ZNF503: variants seen among roughly 807,000 people sequenced by gnomAD.
ZNF503 encodes NocA-like zinc finger 2.
ZNF503 carries 15 observed loss-of-function variants against 34.4 expected under a neutral mutation model. That is an observed-to-expected ratio of 0.44 (90% CI 0.29 to 0.67). ZNF503 has a LOEUF of 0.67. ZNF503 is among the 30% of genes least tolerant of loss of function. The pLI, the probability that ZNF503 is intolerant of heterozygous loss-of-function variation, is 0.13. For synonymous variants in ZNF503, 580 were observed against 456.8 expected, an observed-to-expected ratio of 1.27 and a Z score of -3.44; for missense variants, 1,007 against 926.8, an observed-to-expected ratio of 1.09 and a Z score of -1.12.
the ZNF503 span, among the ~76,000 whole-genome samples, chr10:75,327,326 T>G: frequency 9.9e-5 from 15 of 151,572 alleles, no homozygotes; most frequent in African/African-American, 3.6e-4. Context: ...CCCTTTTAGA[T>G]TTTACAAATG....
At chr10:75,357,033 C>T in the ZNF503 span, among the ~76,000 whole-genome samples, 43 of 152,146 alleles carry the variant, frequency 2.8e-4, no homozygotes, top group Non-Finnish European at 4.4e-4. Flanking sequence ...CCTGCCCTTC[C>T]GTAAGACTTG....
the ZNF503 span, among the ~76,000 whole-genome samples, chr10:75,357,576 C>T: frequency 1.3e-5 from 2 of 152,094 alleles, no homozygotes; most frequent in East Asian, 3.9e-4. Context: ...TTCTGGACTC[C>T]AAGCATTTTA....
the ZNF503 span, among the ~76,000 whole-genome samples, chr10:75,281,069 A>C: frequency 3.3e-5 from 5 of 152,168 alleles, no homozygotes; most frequent in African/African-American, 1.2e-4. Context: ...GTAATTTATC[A>C]TCCAGACTAG....
the ZNF503 span, among the ~76,000 whole-genome samples, chr10:75,388,720 G>A: frequency 1.3e-5 from 2 of 152,194 alleles, no homozygotes; most frequent in Non-Finnish European, 2.9e-5. Flanking sequence ...AGTGTACACT[G>A]GGCTGTAGTG....
the ZNF503 span, among the ~76,000 whole-genome samples, chr10:75,326,616 T>C: frequency 6.6e-6 from 1 of 151,922 alleles, no homozygotes; most frequent in African/African-American, 2.4e-5. Flanking sequence ...TCTTCCTTTT[T>C]TTTTGTTTGA....
At chr10:75,355,590 G>T in the ZNF503 span, among the ~76,000 whole-genome samples, 1 of 152,104 alleles carries the variant, frequency 6.6e-6, no homozygotes, top group Non-Finnish European at 1.5e-5. Context: ...AGAGTTCCAG[G>T]CCCCTCTCCC....
chr10:75,325,737 A>T, the ZNF503 span, among the ~76,000 whole-genome samples: 1 of 152,100 alleles, frequency 6.6e-6, no homozygotes, highest in Admixed American at 6.6e-5. Context: ...TGATTCTTTT[A>T]ATCCATAAAC....
At chr10:75,389,733 C>CAAACA in the ZNF503 span, among the ~76,000 whole-genome samples, 2 of 152,122 alleles carry the variant, frequency 1.3e-5, no homozygotes, top group African/African-American at 4.8e-5. Flanking sequence ...CCATCTCAAA[C>CAAACA]AAACAAAACA....
chr10:75,344,234 G>C, the ZNF503 span, among the ~76,000 whole-genome samples: 1 of 152,254 alleles, frequency 6.6e-6, no homozygotes, highest in Non-Finnish European at 1.5e-5. Context: ...CGGGTGGCTG[G>C]GAAGGGGCCC....
At chr10:75,395,551 C>G (rs999721789), downstream of ZNF503, among the ~76,000 whole-genome samples, 13 of 152,078 alleles carry the variant, frequency 8.5e-5, no homozygotes, top group Admixed American at 8.5e-4. The surrounding 1 kb of genome is among the most constrained non-coding windows in gnomAD (Gnocchi z 4.4). Flanking sequence ...CCGGGGATCC[C>G]GCGGCTGTTC....
the ZNF503 span, among the ~76,000 whole-genome samples, chr10:75,388,496 A>T: frequency 6.6e-6 from 1 of 152,194 alleles, no homozygotes; most frequent in Non-Finnish European, 1.5e-5. Flanking sequence ...CAGTGTACGG[A>T]GAAATAAAGG....
the ZNF503 span, among the ~76,000 whole-genome samples, chr10:75,375,390 G>A: frequency 2.0e-5 from 3 of 152,148 alleles, no homozygotes; most frequent in African/African-American, 7.2e-5. Flanking sequence ...CAAAGTGCTG[G>A]GATTTACAGG....
chr10:75,341,222 G>A, the ZNF503 span, among the ~76,000 whole-genome samples: 1 of 152,172 alleles, frequency 6.6e-6, no homozygotes, highest in East Asian at 1.9e-4. Context: ...CTCTTTTAAA[G>A]TTGTAAAGAG....
At chr10:75,377,516 C>T in the ZNF503 span, among the ~76,000 whole-genome samples, 1 of 152,170 alleles carries the variant, frequency 6.6e-6, no homozygotes, top group Non-Finnish European at 1.5e-5. Context: ...ATGACACATG[C>T]ATGGGGTGTC....
At chr10:75,350,037 T>A in the ZNF503 span, among the ~76,000 whole-genome samples, 3 of 152,178 alleles carry the variant, frequency 2.0e-5, no homozygotes, top group Non-Finnish European at 4.4e-5. Context: ...AAGAGCAAGT[T>A]TTAGAACAGT....
the ZNF503 span, among the ~76,000 whole-genome samples, chr10:75,322,364 C>T: frequency 9.4e-3 from 1,426 of 152,140 alleles, 31 homozygotes; most frequent in African/African-American, 0.033. Flanking sequence ...CCTCGTGATC[C>T]GCCTGCCTCA....
In ZNF503 at chr10:75,398,026, CTTTTT is replaced by C. The variant is rs199688202; in HGVS notation, c.*718_*722del. 6.9e-5 allele frequency: 10 copies of C among 145,010 alleles called. No homozygotes were observed. Among genetic ancestry groups the C allele is most frequent in the African/African-American group, 2.0e-4 (8 of 39,830 alleles). The allele number at this position is 145,010 out of a possible 1,614,324, so 9.0% of individuals were successfully genotyped here. On this transcript the variant is annotated 3_prime_UTR_variant, in exon 2 of 2. Transcript: ENST00000372524. Reference sequence around the variant, plus strand: ...TTTTGGAATAGAATTTTTTCTTTTTCTTTTTTTTTTTGTTGTTTTCTTCCAGAATA... The same window carrying C: ...TTTTGGAATAGAATTTTTTCTTTTTCTTTTTTGTTGTTTTCTTCCAGAATA...
At chr10:75,394,770 G>T (rs1012841204), downstream of ZNF503, among the ~76,000 whole-genome samples, 1 of 152,222 alleles carries the variant, frequency 6.6e-6, no homozygotes, top group Non-Finnish European at 1.5e-5. Context: ...AAGTGAGTGC[G>T]TGTGTTGACA....
the ZNF503 span, among the ~76,000 whole-genome samples, chr10:75,323,714 G>A: frequency 2.0e-5 from 3 of 152,158 alleles, no homozygotes; most frequent in East Asian, 5.8e-4. Context: ...AAAAAATTGG[G>A]TTGCGGCCAG....
Sources: gnomAD v4.1 joint callset for allele counts (sites outside exome capture counted in the v4.1 genomes callset) on GRCh38, gnomAD v4.1.1 for gene constraint, Gnocchi (gnomAD v3.1) non-coding constraint, MANE v1.5 for transcripts, NCBI Gene and HGNC (gene_info 2026-07-23, HGNC 2026-07-21) for gene names.